MAPK10: variants seen among roughly 807,000 people sequenced by gnomAD.
MAPK10 encodes the protein mitogen-activated protein kinase 10.
Under a neutral mutation model 59.3 loss-of-function variants are expected in MAPK10, and 25 were observed. The ratio of observed to expected loss-of-function variants is 0.42; its 90% CI spans 0.31 to 0.59. MAPK10 has a LOEUF of 0.59. MAPK10 is among the 20% of genes least tolerant of loss of function. The pLI is 0.15. For synonymous variants in MAPK10, 190 were observed against 200.5 expected (o/e 0.95, Z 0.44); for missense variants, 351 against 568.9 (o/e 0.62, Z 3.90).
At chr4:86,199,303 A>G (rs1372238176) in intron 2 of MAPK10, among the ~76,000 whole-genome samples, 2 of 152,122 alleles carry the variant, frequency 1.3e-5, no homozygotes, top group Non-Finnish European at 2.9e-5. Context: ...TATTCATAGA[A>G]AGAACAATGA....
At chr4:86,211,391 T>C (rs935126660) in intron 2 of MAPK10, among the ~76,000 whole-genome samples, 7 of 152,074 alleles carry the variant, frequency 4.6e-5, no homozygotes, top group Non-Finnish European at 1.0e-4. Context: ...AGATTTCTAA[T>C]CAGAAACTTT....
intron 13 of MAPK10, chr4:86,028,173 G>A (rs1751286345): frequency 6.6e-6 from 1 of 152,192 alleles, no homozygotes; most frequent in South Asian, 2.1e-4. Flanking sequence ...GGATTAGTTT[G>A]AAGCAGCTTC....
chr4:86,396,790 CAA>C (rs1743002992), intron 1 of MAPK10, among the ~76,000 whole-genome samples: 1 of 152,084 alleles, frequency 6.6e-6, no homozygotes, highest in African/African-American at 2.4e-5. Flanking sequence ...AGAACAGCAC[CAA>C]GTCATGAGGG....
intron 1 of MAPK10, among the ~76,000 whole-genome samples, chr4:86,462,953 T>C (rs928279182): frequency 6.6e-6 from 1 of 152,186 alleles, no homozygotes; most frequent in East Asian, 1.9e-4. Context: ...CCAGAATCTA[T>C]ACCTTTAAAA....
intron 2 of MAPK10, among the ~76,000 whole-genome samples, chr4:86,348,303 A>G (rs1394818391): frequency 6.6e-6 from 1 of 152,154 alleles, no homozygotes; most frequent in Non-Finnish European, 1.5e-5. Flanking sequence ...TTACTAAATC[A>G]TCTGTGCCTT....
intron 11 of MAPK10, among the ~76,000 whole-genome samples, chr4:86,051,914 G>A (rs528572441): frequency 7.1e-4 from 108 of 152,152 alleles, no homozygotes; most frequent in African/African-American, 2.4e-3. Flanking sequence ...AAGGAAGTGA[G>A]TGCTTCCGAA....
intron 2 of MAPK10, among the ~76,000 whole-genome samples, chr4:86,287,160 A>G (rs576139698): frequency 2.0e-5 from 3 of 152,306 alleles, no homozygotes; most frequent in East Asian, 1.9e-4. Flanking sequence ...GCTTAAAATA[A>G]CAAAATCCAT....
chr4:86,349,039 T>C (rs1387249697), intron 2 of MAPK10, among the ~76,000 whole-genome samples: 1 of 152,200 alleles, frequency 6.6e-6, no homozygotes, highest in Non-Finnish European at 1.5e-5. Flanking sequence ...CAACAGGTTC[T>C]GAATAGTAAA....
chr4:86,233,336 G>T (rs1048767351), intron 2 of MAPK10, among the ~76,000 whole-genome samples: 5 of 152,062 alleles, frequency 3.3e-5, no homozygotes, highest in Admixed American at 6.5e-5. Flanking sequence ...GCTCTGTGAG[G>T]CCTACTTACA....
chr4:86,070,423 G>A (rs1407998942), intron 9 of MAPK10, among the ~76,000 whole-genome samples: 1 of 149,856 alleles, frequency 6.7e-6, no homozygotes, highest in Non-Finnish European at 1.5e-5. Flanking sequence ...TAAGTTTTAG[G>A]GTACATGTGC....
chr4:86,544,772 T>C (rs1420120450), intron 1 of MAPK10, among the ~76,000 whole-genome samples: 4 of 152,270 alleles, frequency 2.6e-5, no homozygotes, highest in Admixed American at 2.6e-4. Flanking sequence ...GAAGTTGTTA[T>C]GATCAGATTG....
chr4:86,025,657 A>G (rs1749805274), intron 13 of MAPK10: 2 of 392,854 alleles, frequency 5.1e-6, no homozygotes, highest in Non-Finnish European at 9.0e-6. Context: ...TTTTGTCTAT[A>G]AAAATGGCAT....
chr4:86,171,824 C>A (rs1257981104), intron 3 of MAPK10, among the ~76,000 whole-genome samples: 1 of 150,750 alleles, frequency 6.6e-6, no homozygotes, highest in Non-Finnish European at 1.5e-5. Flanking sequence ...TCCCAACCTA[C>A]TCATCTGACA....
intron 1 of MAPK10, among the ~76,000 whole-genome samples, chr4:86,373,956 G>T (rs1363253750): frequency 6.6e-6 from 1 of 152,098 alleles, no homozygotes; most frequent in African/African-American, 2.4e-5. Flanking sequence ...ACATGCACAC[G>T]TATGTTTATT....
chr4:86,489,536 G>T (rs1564940982), intron 1 of MAPK10, among the ~76,000 whole-genome samples: 2 of 152,100 alleles, frequency 1.3e-5, no homozygotes, highest in African/African-American at 4.8e-5. Flanking sequence ...CCAAAAACAG[G>T]CCCCAAAATA....
chr4:86,243,331 A>C (rs1300317685), intron 2 of MAPK10, among the ~76,000 whole-genome samples: 1 of 152,200 alleles, frequency 6.6e-6, no homozygotes, highest in Non-Finnish European at 1.5e-5. Flanking sequence ...GTCATTAATC[A>C]CACACATTGG....
At chr4:86,526,351 T>G (rs1297778964) in intron 1 of MAPK10, among the ~76,000 whole-genome samples, 1 of 152,206 alleles carries the variant, frequency 6.6e-6, no homozygotes, top group Non-Finnish European at 1.5e-5. Context: ...TTCTAGCTTG[T>G]GCGCCTAGAG....
At chr4:86,367,773 T>C (rs893289591) in intron 1 of MAPK10, among the ~76,000 whole-genome samples, 3 of 152,090 alleles carry the variant, frequency 2.0e-5, no homozygotes, top group Non-Finnish European at 2.9e-5. Flanking sequence ...TGAGGGATTT[T>C]TCTATGCTAT....
At chr4:86,252,275 T>A (rs1237567748) in intron 2 of MAPK10, among the ~76,000 whole-genome samples, 1 of 126,894 alleles carries the variant, frequency 7.9e-6, no homozygotes, top group Admixed American at 7.3e-5. Context: ...GGTAATGCCT[T>A]GGTTTTCTTC....
Sources: allele counts gnomAD v4.1 joint callset (sites outside exome capture counted in the v4.1 genomes callset), GRCh38; gene constraint gnomAD v4.1.1; transcripts MANE v1.5; gene names NCBI Gene and HGNC (gene_info 2026-07-23, HGNC 2026-07-21).